NOX4: variants seen among roughly 807,000 people sequenced by gnomAD.
The protein encoded by NOX4 is NADPH oxidase 4.
A neutral mutation model predicts 87.6 loss-of-function variants in NOX4; 69 were observed. The ratio of observed to expected loss-of-function variants is 0.79; its 90% confidence interval spans 0.65 to 0.96. The LOEUF (loss-of-function observed/expected upper bound fraction) is 0.96. Among genes scored for constraint, NOX4 ranks in the 40% least tolerant of loss-of-function variants. The pLI, the probability that NOX4 is intolerant of heterozygous loss-of-function variation, is 0.00. For missense variants in NOX4, 680 were observed against 681.5 expected, an observed-to-expected ratio of 1.00 and a Z score of 0.02; for synonymous variants, 275 against 238.2, an observed-to-expected ratio of 1.15 and a Z score of -1.42.
At chr11:89,551,734 T>G in the NOX4 span, among the ~76,000 whole-genome samples, 1 of 152,176 alleles carries the variant, frequency 6.6e-6, no homozygotes, top group Non-Finnish European at 1.5e-5. Context: ...TCATGTCATC[T>G]GCAAACAGAG....
the NOX4 span, among the ~76,000 whole-genome samples, chr11:89,561,746 A>T: frequency 0.38 from 58,022 of 151,926 alleles, 11,357 homozygotes; most frequent in African/African-American, 0.46. Context: ...GCTCTTGAGG[A>T]GCTTCCTTTC....
At chr11:89,442,613 A>G (rs1944506263) in intron 5 of NOX4, among the ~76,000 whole-genome samples, 1 of 152,208 alleles carries the variant, frequency 6.6e-6, no homozygotes, top group Non-Finnish European at 1.5e-5. Context: ...TATATACCAT[A>G]AAATGCGACT....
At chr11:89,388,154 TA>T (rs1322521112) in intron 11 of NOX4, among the ~76,000 whole-genome samples, 1 of 152,196 alleles carries the variant, frequency 6.6e-6, no homozygotes, top group Non-Finnish European at 1.5e-5. Flanking sequence ...TTTCTAGTTT[TA>T]AAAATGGAGA....
chr11:89,505,434 G>A, the NOX4 span, among the ~76,000 whole-genome samples: 1 of 151,588 alleles, frequency 6.6e-6, no homozygotes, highest in African/African-American at 2.4e-5. Context: ...GCCATTAAAA[G>A]TAAGCGTAAC....
At chr11:89,424,989 C>G (rs114987746) in intron 7 of NOX4, among the ~76,000 whole-genome samples, 1,657 of 152,024 alleles carry the variant, frequency 0.011, 32 homozygotes, top group African/African-American at 0.038. Flanking sequence ...TTAAACAAAG[C>G]ATAAAAAACA....
intron 12 of NOX4, among the ~76,000 whole-genome samples, chr11:89,372,311 T>C (rs1328713719): frequency 6.6e-6 from 1 of 151,916 alleles, no homozygotes; most frequent in Non-Finnish European, 1.5e-5. Context: ...TTCCCTAAAG[T>C]CCCTTGGTTA....
the NOX4 span, among the ~76,000 whole-genome samples, chr11:89,504,668 A>T: frequency 1.3e-5 from 2 of 152,146 alleles, no homozygotes; most frequent in East Asian, 3.9e-4. Context: ...TGAATTATAC[A>T]TCAGGATATT....
chr11:89,553,431 G>A, the NOX4 span, among the ~76,000 whole-genome samples: 1 of 152,134 alleles, frequency 6.6e-6, no homozygotes. Flanking sequence ...TCCCAGCCAT[G>A]TGGAACTGTG....
chr11:89,522,437 T>C, the NOX4 span, among the ~76,000 whole-genome samples: 2 of 152,180 alleles, frequency 1.3e-5, no homozygotes, highest in African/African-American at 4.8e-5. Context: ...TTCTTACTTA[T>C]AGATGGGAGC....
the NOX4 span, among the ~76,000 whole-genome samples, chr11:89,560,996 C>A: frequency 0.21 from 8,447 of 40,206 alleles, 1,029 homozygotes; most frequent in East Asian, 0.33. Context: ...CTCTCTCTCT[C>A]TATATATATA....
At chr11:89,342,909 A>T (rs1204609741) in intron 13 of NOX4, among the ~76,000 whole-genome samples, 1 of 152,084 alleles carries the variant, frequency 6.6e-6, no homozygotes, top group Non-Finnish European at 1.5e-5. Flanking sequence ...TCATCCTCCC[A>T]TTCTTTCTTA....
intron 3 of NOX4, among the ~76,000 whole-genome samples, chr11:89,450,728 C>T (rs962109357): frequency 1.4e-5 from 2 of 145,110 alleles, no homozygotes; most frequent in African/African-American, 5.1e-5. Context: ...CCCCCTCCCC[C>T]TGACATCACT....
chr11:89,571,718 C>G, the NOX4 span, among the ~76,000 whole-genome samples: 2,446 of 151,596 alleles, frequency 0.016, 72 homozygotes, highest in African/African-American at 0.056. Flanking sequence ...ACCTCAGGAC[C>G]CCCAAATTAC....
intron 8 of NOX4, 113 bp from the exon 9 acceptor site, chr11:89,402,655 G>A (rs1343076290): frequency 8.9e-6 from 7 of 790,694 alleles, no homozygotes; most frequent in African/African-American, 1.7e-5. Context: ...ACTTTACACA[G>A]CATTTATCCA....
rs1400323896 is a variant in NOX4 at position 89,400,202 on chromosome 11, A to C, written c.1011+13T>G. The C allele has an allele frequency of 3.7e-6, 6 of 1,608,394 alleles. No individual in the cohort carries two copies. The highest frequency in any genetic ancestry group is 1.7e-5 in the Admixed American group (1 of 59,304). ...ATAAAGGCTATTTAAAAAGTTGCTG[A>C]CCACTGACTCACCTGACCAGGTCTT... is the stretch of plus-strand genomic sequence containing the variant. On this transcript the variant is annotated intron_variant, in intron 10 of 17. Coordinates refer to ENST00000263317, the MANE Select transcript of NOX4 (RefSeq NM_016931.5).
chr11:89,548,988 A>G, the NOX4 span, among the ~76,000 whole-genome samples: 1 of 152,202 alleles, frequency 6.6e-6, no homozygotes, highest in African/African-American at 2.4e-5. Flanking sequence ...TGTTCCATGT[A>G]AGCACCATAT....
chr11:89,484,208 A>G (rs917575469), intron 2 of NOX4, among the ~76,000 whole-genome samples: 3 of 152,040 alleles, frequency 2.0e-5, no homozygotes, highest in African/African-American at 7.2e-5. Flanking sequence ...GCTGTTTGGG[A>G]TGATATTGAT....
intron 8 of NOX4, among the ~76,000 whole-genome samples, chr11:89,421,062 G>T (rs1024330599): frequency 6.6e-6 from 1 of 152,076 alleles, no homozygotes; most frequent in African/African-American, 2.4e-5. Flanking sequence ...TGAAGGAGTG[G>T]GGGTAAATGC....
chr11:89,395,749 A>C (rs1397989689), intron 11 of NOX4, among the ~76,000 whole-genome samples: 1 of 152,160 alleles, frequency 6.6e-6, no homozygotes, highest in African/African-American at 2.4e-5. Context: ...AGCTCCATTT[A>C]TTAAATAGGG....
Sources: allele counts gnomAD v4.1 joint callset (sites outside exome capture counted in the v4.1 genomes callset), GRCh38; gene constraint gnomAD v4.1.1; transcripts MANE v1.5; gene names NCBI Gene and HGNC (gene_info 2026-07-23, HGNC 2026-07-21).